Variants in THY1 observed in about 807,000 individuals in gnomAD.
THY1 encodes thy-1 membrane glycoprotein.
A neutral mutation model predicts 14.9 loss-of-function variants in THY1; 10 were observed. The observed-to-expected ratio is 0.67, with a 90% CI of 0.41 to 1.14. The LOEUF is 1.14. Among genes scored for constraint, THY1 ranks in the 50% most tolerant of loss-of-function variants. The pLI, the probability that THY1 is intolerant of heterozygous loss-of-function variation, is 0.00. For missense variants in THY1, 159 were observed against 202.1 expected (o/e 0.79, Z 1.29); for synonymous variants, 80 against 90.0 (o/e 0.89, Z 0.63).
rs1161243363 is a variant in THY1 at position 119,419,391 on chromosome 11, T to G, written c.*17A>C. The G allele has an allele frequency of 2.5e-6, 4 of 1,609,798 alleles. No homozygotes were observed. The highest frequency in any genetic ancestry group is 3.4e-6 in the Non-Finnish European group (4 of 1,176,618). On this transcript the variant is annotated 3_prime_UTR_variant, in exon 4 of 4. Coordinates refer to ENST00000284240, the MANE Select transcript of THY1 (RefSeq NM_006288.5). ...CTGGAACTTGAGGCTTCCTGTCTCC[T>G]CCATGGGCCCCACCAGTCACAGGGA...
chr11:119,424,226 CCCA>C (rs1181904016), upstream of THY1: 1 of 152,258 alleles, frequency 6.6e-6, no homozygotes, highest in African/African-American at 2.4e-5. Context: ...CTCCTGATAA[CCCA>C]CCGATTGGAT....
Position 119,417,581 on chromosome 11 carries a change from C to G in THY1, c.*1827G>C, listed in dbSNP as rs2135431873. The G allele has an allele frequency of 6.6e-6, 1 of 152,304 alleles. No individual in the cohort carries two copies. Among genetic ancestry groups the G allele is most frequent in the African/African-American group, 2.4e-5 (1 of 41,546 alleles). The allele number at this position is 152,304 out of a possible 1,614,324, so 9.4% of individuals were successfully genotyped here. On this transcript the variant is annotated 3_prime_UTR_variant, in exon 4 of 4. Coordinates refer to ENST00000284240, the MANE Select transcript of THY1 (RefSeq NM_006288.5). The stretch of plus-strand genomic sequence containing the variant: ...CTACCCTGCGGTCCCCCTCTTGCCC[C>G]CAATCCCAGGATGCTCGCTTCCATT...
chr11:119,424,197 C>G (rs1325670063), upstream of THY1: 1 of 152,314 alleles, frequency 6.6e-6, no homozygotes, highest in Admixed American at 6.5e-5. Context: ...TCGAGGCCAA[C>G]TCCTGATCAC....
In THY1 at chr11:119,418,948, C is replaced by T. The variant is rs1861835692; in HGVS notation, c.*460G>A. On this transcript the variant is annotated 3_prime_UTR_variant, in exon 4 of 4. Transcript: ENST00000284240. ...TGCCTGCCGAGGAGTGCTGTCAGGA[C>T]AGACCATGTCCGTGCTAGGCCCAGG... 4 of 258,936 alleles carry T rather than the reference C, an allele frequency of 1.5e-5. No homozygotes were observed. Among genetic ancestry groups the T allele is most frequent in the Non-Finnish European group, 2.3e-5 (3 of 131,172 alleles). 16.0% of individuals were successfully genotyped at this position (258,936 alleles called of 1,614,324 possible).
upstream of THY1, chr11:119,423,251 A>C (rs1168336578): frequency 3.0e-6 from 1 of 331,656 alleles, no homozygotes; most frequent in Non-Finnish European, 6.2e-6. Flanking sequence ...AGCCAATCAG[A>C]GGCGGAGATT....
chr11:119,416,314 C>A lies in THY1; in HGVS notation c.*3094G>T, dbSNP rs951748158. Among the ~76,000 whole-genome samples, 2 of 152,052 alleles carry A rather than the reference C, an allele frequency of 1.3e-5. No individual in the cohort carries two copies. The highest frequency in any genetic ancestry group is 2.4e-5 in the African/African-American group (1 of 41,388). ...TGGGGCATGTGTACAGGAACCAGGG[C>A]TGGGGGCCAGCCCTCTATAATTACC... On this transcript the variant is annotated 3_prime_UTR_variant, in exon 4 of 4. Coordinates refer to ENST00000284240, the MANE Select transcript of THY1 (RefSeq NM_006288.5).
At chr11:119,423,474 C>A, upstream of THY1, 1 of 346,880 alleles carries the variant, frequency 2.9e-6, no homozygotes, top group South Asian at 2.2e-5. Context: ...AATGGTTGTT[C>A]CCCTTTTAAG....
At position 119,420,875 on chromosome 11, in the gene THY1, G is replaced by A; in HGVS notation, c.31C>T (p.Leu11=). The change falls in exon 2 of 4, where the codon CTA becomes TTA. Residue 11 remains leucine (L), a synonymous_variant. Coordinates refer to ENST00000284240, the MANE Select transcript of THY1 (RefSeq NM_006288.5). ...CCTGCCCCATGCCGGGTACCTGTTA[G>A]CAGGAGAGCGATGCTGATGGCCAGG... is the stretch of plus-strand genomic sequence containing the variant. MNLAISIALL[L]TVLQVSRGQK... is the part of the protein sequence containing the mutation. 6.2e-7 allele frequency: 1 copy of A among 1,614,172 alleles called. No homozygotes were observed. Among genetic ancestry groups the A allele is most frequent in the Non-Finnish European group, 8.5e-7 (1 of 1,180,012 alleles).
chr11:119,421,025 C>A (rs1861889577), intron 1 of THY1, 96 bp from the exon 2 acceptor site: 1 of 1,088,910 alleles, frequency 9.2e-7, no homozygotes, highest in Non-Finnish European at 1.4e-6. Context: ...CTATGGCAGT[C>A]ATCTAAGTCC....
rs1185693630 is a variant in THY1, at chr11:119,422,515, G to A, written c.-25+598C>T. 6.1e-6 allele frequency: 1 copy of A among 163,322 alleles called. No homozygotes were observed. The allele number at this position is 163,322 out of a possible 1,614,324, so 10.1% of individuals were successfully genotyped here. A position where few individuals can be genotyped will look rare whatever the true frequency, so the allele number is the denominator to read the frequency against. On this transcript the variant is annotated intron_variant, in intron 1 of 3. Transcript: ENST00000284240. This position sits in a 1 kb window ranked among gnomAD's most constrained non-coding sequence, Gnocchi z 7.0. ...TTCCTCCCTCTCAAGCCCCCGGCGG[G>A]CCTCATCCTTAATCCATTTCCGTAT... is the stretch of plus-strand genomic sequence containing the variant.
In THY1 at chr11:119,417,946, C is replaced by T. The variant is rs1039062396; in HGVS notation, c.*1462G>A. The T allele has an allele frequency of 1.3e-5, 2 of 152,356 alleles. No individual in the cohort carries two copies. The highest frequency in any genetic ancestry group is 4.1e-4 in the South Asian group (2 of 4,834). The allele number at this position is 152,356 out of a possible 1,614,324, so 9.4% of individuals were successfully genotyped here. ...AGCATGTTGTTCCAGCCAGGTGAGTCAGCAGACATGGGATGTTCGTTTATT... is the reference window on the plus strand; with the variant it reads ...AGCATGTTGTTCCAGCCAGGTGAGTTAGCAGACATGGGATGTTCGTTTATT... On this transcript the variant is annotated 3_prime_UTR_variant, in exon 4 of 4. Transcript: ENST00000284240.
Position 119,418,834 on chromosome 11 carries a change from AT to A in THY1, c.*573del, listed in dbSNP as rs1861833473. ...TATTTTTTTTTGGTTGTGGCTGAGA[AT>A]GCTGGAGATGCTCAGTTCTCTCCCT... is the stretch of plus-strand genomic sequence containing the variant. On this transcript the variant is annotated 3_prime_UTR_variant, in exon 4 of 4. Transcript: ENST00000284240. 1 of 159,668 alleles carries A rather than the reference AT, an allele frequency of 6.3e-6. No homozygotes were observed. Among genetic ancestry groups the A allele is most frequent in the Non-Finnish European group, 1.4e-5 (1 of 72,654 alleles). The allele number at this position is 159,668 out of a possible 1,614,324, so 9.9% of individuals were successfully genotyped here.
At chr11:119,420,665 G>A in intron 2 of THY1, 2 of 691,608 alleles carry the variant, frequency 2.9e-6, no homozygotes, top group Admixed American at 2.7e-5. Flanking sequence ...GTTCAATAGT[G>A]TGAAGGAGGG....
intron 3 of THY1, 63 bp from the exon 4 acceptor site, chr11:119,419,583 G>A: frequency 1.5e-6 from 2 of 1,368,814 alleles, no homozygotes; most frequent in Non-Finnish European, 2.1e-6. Context: ...ACTCAGGCAG[G>A]CACAGGCCCA....
At chr11:119,423,571 C>A, upstream of THY1, 1 of 210,382 alleles carries the variant, frequency 4.8e-6, no homozygotes, top group South Asian at 7.0e-5. Context: ...CGGGAGCGCC[C>A]ACGCCTCCAC....
At position 119,416,099 on chromosome 11, in the gene THY1, G is replaced by A. The variant is rs1315115982; in HGVS notation, c.*3309C>T. ...AGATCCCCATGCCCTTCCCGAGGAA[G>A]CCTCTAGATGTCAGAGATGCAGACA... On this transcript the variant is annotated 3_prime_UTR_variant, in exon 4 of 4. Transcript: ENST00000284240. Among the ~76,000 whole-genome samples the A allele has an allele frequency of 6.6e-6, 1 of 152,152 alleles. No individual in the cohort carries two copies. Among genetic ancestry groups the A allele is most frequent in the East Asian group, 1.9e-4 (1 of 5,184 alleles).
At position 119,417,173 on chromosome 11, in the gene THY1, CAAGCAGGGCTGAAGG is replaced by C. The variant is rs1289209049; in HGVS notation, c.*2220_*2234del. On this transcript the variant is annotated 3_prime_UTR_variant, in exon 4 of 4. Transcript: ENST00000284240. ...TTTCCTTGGCACGGCGCTTGCAGCC[CAAGCAGGGCTGAAGG>C]AGAGGGGCCTGAGTCTCAGGGGTGT... 6.6e-6 allele frequency among the ~76,000 whole-genome samples: 1 copy of C among 152,236 alleles called. No homozygotes were observed. Among genetic ancestry groups the C allele is most frequent in the Non-Finnish European group, 1.5e-5 (1 of 68,046 alleles).
At chr11:119,424,968 A>G (rs1350436439), upstream of THY1, 1 of 152,212 alleles carries the variant, frequency 6.6e-6, no homozygotes, top group African/African-American at 2.4e-5. Flanking sequence ...CTTCCTGCTT[A>G]ACAGCTTTCT....
intron 2 of THY1, 120 bp from the exon 3 acceptor site, chr11:119,420,506 C>A (rs1014300089): frequency 6.4e-6 from 6 of 944,388 alleles, no homozygotes; most frequent in African/African-American, 1.7e-5. Context: ...CTCTGAGTGC[C>A]TTTCCCCACC....
Sources: gnomAD v4.1 joint callset for allele counts (sites outside exome capture counted in the v4.1 genomes callset) on GRCh38, gnomAD v4.1.1 for gene constraint, Gnocchi (gnomAD v3.1) non-coding constraint, MANE v1.5 for transcripts, NCBI Gene and HGNC (gene_info 2026-07-23, HGNC 2026-07-21) for gene names.